Variants in TM4SF19 observed in about 807,000 individuals in gnomAD.
TM4SF19 encodes transmembrane 4 L6 family member 19.
Under a neutral mutation model 21.8 loss-of-function variants are expected in TM4SF19, and 17 were observed. The ratio of observed to expected loss-of-function variants is 0.78; its 90% confidence interval spans 0.53 to 1.17. The LOEUF is 1.17. Ranked by LOEUF, TM4SF19 falls within the 50% of genes most tolerant of loss-of-function variation. The pLI, the probability that TM4SF19 is intolerant of heterozygous loss-of-function variation, is 0.00. For missense variants in TM4SF19, 216 were observed against 252.1 expected (o/e 0.86, Z 0.97); for synonymous variants, 107 against 106.7 (o/e 1.00, Z -0.02).
intron 1 of TM4SF19, among the ~76,000 whole-genome samples, chr3:196,333,506 A>T (rs906232330): frequency 6.6e-6 from 1 of 152,256 alleles, no homozygotes; most frequent in African/African-American, 2.4e-5. Context: ...AGTTGACCAC[A>T]GATAGCTAAA....
intron 1 of TM4SF19, among the ~76,000 whole-genome samples, chr3:196,328,747 T>C (rs775356133): frequency 5.9e-5 from 9 of 152,102 alleles, no homozygotes; most frequent in Non-Finnish European, 1.2e-4. Context: ...GAATCTAAAT[T>C]TATATGGAAA....
chr3:196,332,099 T>C lies in TM4SF19; in HGVS notation c.-1-4508A>G, dbSNP rs1727539863. On this transcript the variant is annotated intron_variant, in intron 1 of 4. Coordinates refer to ENST00000273695, the MANE Select transcript of TM4SF19 (RefSeq NM_138461.4). ...ACCTGGCCAACATGGTGAAACCCCG[T>C]CTCTACTAAAAATACAAAAAAATTA... 7.9e-5 allele frequency among the ~76,000 whole-genome samples: 12 copies of C among 151,816 alleles called. No homozygotes were observed. In the South Asian group the frequency reaches 2.5e-3, roughly 32 times the overall value.
rs35897935 is a variant in TM4SF19 at position 196,337,051 on chromosome 3, C to CTTTT, written c.-2+1209_-2+1212dup. Among the ~76,000 whole-genome samples, 6 of 67,816 alleles carry CTTTT rather than the reference C, an allele frequency of 8.8e-5. No homozygotes were observed. The South Asian group carries it at 1.7e-3, about 19-fold the overall frequency. The allele number at this position is 67,816 out of a possible 152,430, so 44.5% of individuals were successfully genotyped here. A position where few individuals can be genotyped will look rare whatever the true frequency, so the allele number is the denominator to read the frequency against. ...GACACTGCTGACGCAAAAAGCAATT[C>CTTTT]TTTTTTTTTTTTTTTTTTTTTTTTT... On this transcript the variant is annotated intron_variant, in intron 1 of 4. Coordinates refer to ENST00000273695, the MANE Select transcript of TM4SF19 (RefSeq NM_138461.4).
At chr3:196,338,025 G>A (rs971153632) in intron 1 of TM4SF19, among the ~76,000 whole-genome samples, 2 of 152,186 alleles carry the variant, frequency 1.3e-5, no homozygotes, top group Non-Finnish European at 2.9e-5. Context: ...GAAGCTTCCC[G>A]GAGGAAGGGC....
At chr3:196,330,642 T>C (rs948034356) in intron 1 of TM4SF19, among the ~76,000 whole-genome samples, 2 of 152,138 alleles carry the variant, frequency 1.3e-5, no homozygotes, top group Non-Finnish European at 2.9e-5. Context: ...ATATACGAAA[T>C]TCTAGAAAAG....
chr3:196,331,667 A>G (rs1475223208), intron 1 of TM4SF19, among the ~76,000 whole-genome samples: 1 of 151,884 alleles, frequency 6.6e-6, no homozygotes, highest in Non-Finnish European at 1.5e-5. Flanking sequence ...CATGCCTGTA[A>G]TCCCAGCTAC....
intron 1 of TM4SF19, among the ~76,000 whole-genome samples, chr3:196,332,407 G>C (rs1727552409): frequency 1.5e-5 from 2 of 135,616 alleles, no homozygotes; most frequent in African/African-American, 5.4e-5. Context: ...GAGCAAAAGA[G>C]AGAGAGAGAG....
intron 1 of TM4SF19, among the ~76,000 whole-genome samples, chr3:196,328,994 A>C (rs1398341172): frequency 6.6e-6 from 1 of 151,630 alleles, no homozygotes; most frequent in Non-Finnish European, 1.5e-5. Context: ...CTCAGGCTGG[A>C]GTGCAGTGGC....
In TM4SF19 at chr3:196,323,889, G is replaced by C; in HGVS notation, c.558C>G (p.Leu186=). The C allele has an allele frequency of 6.2e-7, 1 of 1,614,180 alleles. No individual in the cohort carries two copies. The part of the protein sequence containing the change: ...LFSALLCISL[L]QLLLVVVHVI... ...CATGAACGACCACCAGGAGAAGCTG[G>C]AGCAGGCTGATGCACAGAAGGGCGG... The change falls in exon 5 of 5, where the codon CTC becomes CTG. Residue 186 remains leucine (L), a synonymous_variant. Transcript: ENST00000273695.
chr3:196,323,920 A>G lies in TM4SF19; in HGVS notation c.527T>C (p.Leu176Pro). The G allele has an allele frequency of 6.2e-7, 1 of 1,614,158 alleles. No homozygotes were observed. Among genetic ancestry groups the G allele is most frequent in the South Asian group, 1.1e-5 (1 of 91,082 alleles). The change falls in exon 5 of 5, where the codon CTC becomes CCC. Residue 176 changes from leucine to proline, a missense_variant. Physicochemically the swap from Leu to Pro is moderately conservative, Grantham distance 98. Transcript: ENST00000273695. ...PSAAVVWHVS[L>P]FSALLCISLL... ...GCTGATGCACAGAAGGGCGGAGAAGAGGGACACGTGCCAGACAACAGCTGC... is the reference window on the plus strand; with the variant it reads ...GCTGATGCACAGAAGGGCGGAGAAGGGGGACACGTGCCAGACAACAGCTGC...
chr3:196,336,917 A>G (rs1323823918), intron 1 of TM4SF19, among the ~76,000 whole-genome samples: 1 of 152,138 alleles, frequency 6.6e-6, no homozygotes, highest in African/African-American at 2.4e-5. Context: ...TTCTTCCTTC[A>G]GTCGGATATT....
chr3:196,331,443 G>A (rs1032876803), intron 1 of TM4SF19, among the ~76,000 whole-genome samples: 1 of 150,974 alleles, frequency 6.6e-6, no homozygotes, highest in African/African-American at 2.4e-5. Flanking sequence ...TCCCCTTAAG[G>A]CTCGCTATTT....
In TM4SF19 at chr3:196,326,942, A is replaced by G. The variant is rs1209470473; in HGVS notation, c.279+13T>C. 6.2e-7 allele frequency: 1 copy of G among 1,602,926 alleles called. No individual in the cohort carries two copies. The highest frequency in any genetic ancestry group is 1.1e-5 in the South Asian group (1 of 90,720). ...ACATTCTGGGTGTTAGAAGAGTGGA[A>G]TCTGGTGCTTACGCTTCGACAGAGC... On this transcript the variant is annotated intron_variant, in intron 3 of 4. Coordinates refer to ENST00000273695, the MANE Select transcript of TM4SF19 (RefSeq NM_138461.4).
intron 4 of TM4SF19, 97 bp downstream of exon 4, chr3:196,324,174 G>A (rs1375816179): frequency 2.7e-6 from 4 of 1,487,840 alleles, no homozygotes; most frequent in African/African-American, 1.4e-5. Context: ...ATGCTAGGAT[G>A]TGTGACCCAA....
chr3:196,333,284 G>A (rs1402886950), intron 1 of TM4SF19, among the ~76,000 whole-genome samples: 1 of 152,186 alleles, frequency 6.6e-6, no homozygotes, highest in Non-Finnish European at 1.5e-5. Flanking sequence ...TGGAAACTTA[G>A]AAGTCAAACC....
chr3:196,324,086 G>C (rs750007733), intron 4 of TM4SF19, 89 bp from the exon 5 acceptor site: 1 of 1,525,138 alleles, frequency 6.6e-7, no homozygotes. Flanking sequence ...GGTCTCCCCT[G>C]ACCGGGTCAT....
chr3:196,331,985 T>C (rs980384298), intron 1 of TM4SF19, among the ~76,000 whole-genome samples: 2 of 151,754 alleles, frequency 1.3e-5, no homozygotes, highest in African/African-American at 2.4e-5. Flanking sequence ...AATATGTGTA[T>C]AGAGGCCAGG....
rs929299545 is a variant in TM4SF19 at position 196,324,460 on chromosome 3, A to G, written c.280-20T>C. On this transcript the variant is annotated intron_variant, in intron 3 of 4. Coordinates refer to ENST00000273695, the MANE Select transcript of TM4SF19 (RefSeq NM_138461.4). ...AAGCACCTGCGGAGGGAGGAGAAACACTGAGCTAAGACGGGGTCGCAGCTG... is the reference window on the plus strand; with the variant it reads ...AAGCACCTGCGGAGGGAGGAGAAACGCTGAGCTAAGACGGGGTCGCAGCTG... The G allele has an allele frequency of 1.9e-6, 3 of 1,613,024 alleles. No homozygotes were observed. The East Asian group carries it at 6.7e-5, about 36-fold the overall frequency.
chr3:196,334,413 C>T (rs1162209869), intron 1 of TM4SF19, among the ~76,000 whole-genome samples: 5 of 150,234 alleles, frequency 3.3e-5, no homozygotes, highest in African/African-American at 1.2e-4. Context: ...CTTGCTCTGT[C>T]TCCCAGGCTG....
Sources: gnomAD v4.1 joint callset for allele counts (sites outside exome capture counted in the v4.1 genomes callset) on GRCh38, gnomAD v4.1.1 for gene constraint, MANE v1.5 for transcripts, NCBI Gene and HGNC (gene_info 2026-07-23, HGNC 2026-07-21) for gene names.